The following CLCN5 variants were observed in gnomAD, a reference collection of about 807,000 sequenced individuals.
CLCN5 encodes the protein H(+)/Cl(-) exchange transporter 5.
CLCN5 carries 17 observed loss-of-function variants against 54.0 expected under a neutral mutation model. The observed-to-expected ratio is 0.31, with a 90% confidence interval of 0.22 to 0.47. The LOEUF is 0.47. CLCN5 is among the 20% of genes least tolerant of loss of function. CLCN5 has a pLI of 1.00. For missense variants in CLCN5, 448 were observed against 646.7 expected (o/e 0.69, Z 3.33); for synonymous variants, 222 against 233.0 (o/e 0.95, Z 0.43).
intron 3 of CLCN5, among the ~76,000 whole-genome samples, chrX:50,030,689 C>T (rs1931654591): frequency 8.9e-6 from 1 of 112,042 alleles, no homozygotes; most frequent in Admixed American, 9.5e-5. Flanking sequence ...CTACATGGAA[C>T]ATTTTAAACT....
intron 3 of CLCN5, among the ~76,000 whole-genome samples, chrX:49,931,757 G>A (rs1048778667): frequency 1.9e-5 from 2 of 106,096 alleles, no homozygotes; most frequent in African/African-American, 6.9e-5. Context: ...TTGAGACAGA[G>A]TTTTGCTAAC....
At chrX:49,947,527 A>C (rs1475823485) in intron 3 of CLCN5, among the ~76,000 whole-genome samples, 1 of 111,105 alleles carries the variant, frequency 9.0e-6, no homozygotes, top group Non-Finnish European at 1.9e-5. Flanking sequence ...GGGGAAATCC[A>C]GGTACTCAGT....
chrX:50,014,679 G>C, intron 3 of CLCN5: 1 of 337,446 alleles, frequency 3.0e-6, no homozygotes, highest in Non-Finnish European at 5.9e-6. Context: ...CAGAGAGGGG[G>C]AGCTCAACTG....
intron 3 of CLCN5, among the ~76,000 whole-genome samples, chrX:49,987,221 A>T (rs1480509054): frequency 8.9e-6 from 1 of 112,385 alleles, no homozygotes; most frequent in Non-Finnish European, 1.9e-5. Context: ...GTCCATTGAC[A>T]TCACCTGTTT....
intron 4 of CLCN5, among the ~76,000 whole-genome samples, chrX:50,051,910 G>GT (rs782281742): frequency 2.7e-5 from 3 of 111,376 alleles, no homozygotes; most frequent in Non-Finnish European, 3.8e-5. Context: ...AAGAGGTTGG[G>GT]TTTTTTCCCC....
intron 3 of CLCN5, among the ~76,000 whole-genome samples, chrX:49,957,713 A>G (rs193275019): frequency 8.9e-6 from 1 of 112,348 alleles, no homozygotes; most frequent in East Asian, 2.8e-4. Flanking sequence ...GAAGCATTCA[A>G]GTTGATCTTC....
chrX:49,945,746 G>T (rs1926693526), intron 3 of CLCN5, among the ~76,000 whole-genome samples: 1 of 102,302 alleles, frequency 9.8e-6, no homozygotes, highest in African/African-American at 3.6e-5. Context: ...GAGCCACCGT[G>T]CCCGGCCGCC....
intron 4 of CLCN5, among the ~76,000 whole-genome samples, chrX:50,057,910 G>T (rs1932790990): frequency 9.0e-6 from 1 of 110,836 alleles, no homozygotes; most frequent in Non-Finnish European, 1.9e-5. Flanking sequence ...CTTATTGGCA[G>T]ATCTAGAATG....
At chrX:49,994,727 C>T (rs1557179410) in intron 3 of CLCN5, among the ~76,000 whole-genome samples, 1 of 111,741 alleles carries the variant, frequency 8.9e-6, no homozygotes, top group Non-Finnish European at 1.9e-5. Flanking sequence ...TCTTCTGCTG[C>T]ATAAACCCTA....
chrX:49,936,451 G>C (rs35975197), intron 3 of CLCN5, among the ~76,000 whole-genome samples: 1 of 111,782 alleles, frequency 8.9e-6, no homozygotes, highest in East Asian at 2.8e-4. Flanking sequence ...TCATTATTTA[G>C]GAGCTGGGTT....
intron 3 of CLCN5, among the ~76,000 whole-genome samples, chrX:49,931,836 C>A (rs1925666500): frequency 1.9e-5 from 2 of 106,750 alleles, no homozygotes; most frequent in African/African-American, 6.9e-5. Flanking sequence ...TCACTGGACC[C>A]CAGGAGACTG....
rs782050861 is a variant in CLCN5, at chrX:50,080,605, C to T, written c.615C>T (p.Ala205=). ...LIISTDEGAF[A]YIVNYFMYVL... ...TCCCCCTGTTCCAGGGAGCCTTTGC[C>T]TACATAGTCAATTATTTCATGTACG... The change falls in exon 8 of 15, where the codon GCC becomes GCT. Residue 205 remains alanine, a synonymous_variant. Transcript: ENST00000376091. 63 of 1,206,234 alleles carry T rather than the reference C, an allele frequency of 5.2e-5. No individual in the cohort carries two copies. The Middle Eastern group carries it at 9.2e-4, about 18-fold the overall frequency.
intron 3 of CLCN5, among the ~76,000 whole-genome samples, chrX:50,006,775 C>T (rs1557181450): frequency 9.0e-6 from 1 of 111,205 alleles, no homozygotes; most frequent in Non-Finnish European, 1.9e-5. Context: ...CCTTGTACAT[C>T]GCCTACCTCT....
chrX:49,923,478 C>T lies in CLCN5; in HGVS notation c.-133C>T, dbSNP rs1925176011. 8.9e-6 allele frequency: 1 copy of T among 112,151 alleles called. No homozygotes were observed. The highest frequency in any genetic ancestry group is 1.9e-5 in the Non-Finnish European group (1 of 53,242). 9.2% of individuals were successfully genotyped at this position (112,151 alleles called of 1,213,427 possible). The stretch of plus-strand genomic sequence containing the variant: ...GTGCGATAACGTCAGTGGAAGCTGC[C>T]CCGAGTAAGTGAGGGAAATCTAGAA... On this transcript the variant is annotated 5_prime_UTR_variant, in exon 2 of 15. Transcript: ENST00000376091.
intron 3 of CLCN5, among the ~76,000 whole-genome samples, chrX:50,035,978 GTT>G (rs1450832936): frequency 8.9e-6 from 1 of 111,772 alleles, no homozygotes; most frequent in African/African-American, 3.3e-5. Flanking sequence ...CATTACATTT[GTT>G]CCTGGCCTAC....
At chrX:49,936,404 G>A (rs193119212) in intron 3 of CLCN5, among the ~76,000 whole-genome samples, 3 of 111,501 alleles carry the variant, frequency 2.7e-5, no homozygotes, top group African/African-American at 9.8e-5. Context: ...TCTCTTCTAT[G>A]CTAAATCTAC....
At chrX:49,941,338 G>GA (rs1484466032) in intron 3 of CLCN5, among the ~76,000 whole-genome samples, 1 of 111,035 alleles carries the variant, frequency 9.0e-6, no homozygotes, top group African/African-American at 3.3e-5. Flanking sequence ...AGCACATGGT[G>GA]AGTACTCATA....
chrX:49,929,905 A>C (rs1925555832), intron 3 of CLCN5, among the ~76,000 whole-genome samples: 1 of 110,699 alleles, frequency 9.0e-6, no homozygotes, highest in Admixed American at 9.6e-5. Context: ...ATAAGGAAAA[A>C]GATTAATATA....
chrX:49,960,326 G>A lies in CLCN5; in HGVS notation c.16+35012G>A, dbSNP rs868916084. On this transcript the variant is annotated intron_variant, in intron 3 of 14. Transcript: ENST00000376091. ...CTAGGGAAAATTGTCTCACCATGCTGATTATATCCATGACCAAACTGTGAT... is the reference window on the plus strand; with the variant it reads ...CTAGGGAAAATTGTCTCACCATGCTAATTATATCCATGACCAAACTGTGAT... Among the ~76,000 whole-genome samples the A allele has an allele frequency of 2.7e-5, 3 of 110,964 alleles. No homozygotes were observed. The Middle Eastern group carries it at 0.014, about 514-fold the overall frequency.
Sources: allele counts gnomAD v4.1 joint callset (sites outside exome capture counted in the v4.1 genomes callset), GRCh38; gene constraint gnomAD v4.1.1; transcripts MANE v1.5; gene names NCBI Gene and HGNC (gene_info 2026-07-23, HGNC 2026-07-21).